The following DHX32 variants were observed in gnomAD, a reference collection of about 807,000 sequenced individuals.
DHX32 encodes DEAH-box helicase 32 (putative), also known as putative pre-mRNA-splicing factor ATP-dependent RNA helicase DHX32.
DHX32 carries 51 observed loss-of-function variants against 70.0 expected under a neutral mutation model. The ratio of observed to expected loss-of-function variants is 0.73; its 90% CI spans 0.58 to 0.92. DHX32 has a LOEUF of 0.92. Ranked by LOEUF, DHX32 falls within the 40% of genes least tolerant of loss-of-function variation. DHX32 has a pLI of 0.00. For missense variants in DHX32, 762 were observed against 891.8 expected (o/e 0.85, Z 1.85); for synonymous variants, 310 against 315.3 (o/e 0.98, Z 0.18).
Position 125,867,189 on chromosome 10 carries a change from G to C in DHX32, c.283-6C>G, listed in dbSNP as rs1240856200. On this transcript the variant is annotated splice_region_variant and splice_polypyrimidine_tract_variant and intron_variant, in intron 1 of 10. Transcript: ENST00000284690. ...TCAGCACACCACTGAGGAACCTGTA[G>C]CAGGAAAAAATGAGACAGGATCAGC... 1.9e-6 allele frequency: 3 copies of C among 1,588,684 alleles called. No homozygotes were observed. The highest frequency in any genetic ancestry group is 8.6e-7 in the Non-Finnish European group (1 of 1,165,850).
intron 6 of DHX32, among the ~76,000 whole-genome samples, chr10:125,851,972 A>G (rs928308943): frequency 1.3e-5 from 2 of 151,646 alleles, no homozygotes; most frequent in Non-Finnish European, 2.9e-5. Context: ...CAAGCTGCTG[A>G]GAATTCTTCT....
At position 125,841,736 on chromosome 10, in the gene DHX32, A is replaced by C; in HGVS notation, c.1543+7T>G. On this transcript the variant is annotated splice_region_variant and intron_variant, in intron 7 of 10. Coordinates refer to ENST00000284690, the MANE Select transcript of DHX32 (RefSeq NM_018180.3). ...AAAAAAAGAAAAGGAATAGTCATTA[A>C]GGATACCTGTTACCATGGCTGCGAT... The C allele has an allele frequency of 6.2e-7, 1 of 1,604,716 alleles. No homozygotes were observed. Among genetic ancestry groups the C allele is most frequent in the Non-Finnish European group, 8.5e-7 (1 of 1,178,124 alleles).
Position 125,852,281 on chromosome 10 carries a change from G to T in DHX32, c.1351+12C>A. The T allele has an allele frequency of 6.2e-7, 1 of 1,612,334 alleles. No homozygotes were observed. Among genetic ancestry groups the T allele is most frequent in the Non-Finnish European group, 8.5e-7 (1 of 1,178,956 alleles). ...AGCCTAATGCCTGGCTGACATGGGA[G>T]CATAAGGCTACCTGGTCTGTTCATG... On this transcript the variant is annotated intron_variant, in intron 6 of 10. Coordinates refer to ENST00000284690, the MANE Select transcript of DHX32 (RefSeq NM_018180.3).
chr10:125,857,984 C>CA (rs940101710), intron 3 of DHX32, among the ~76,000 whole-genome samples: 1 of 151,104 alleles, frequency 6.6e-6, no homozygotes, highest in African/African-American at 2.4e-5. Context: ...ACTGCAGCCT[C>CA]AAACTCCTTA....
intron 1 of DHX32, among the ~76,000 whole-genome samples, chr10:125,877,080 A>C (rs1944288845): frequency 2.0e-5 from 3 of 152,226 alleles, no homozygotes; most frequent in Admixed American, 6.5e-5. Flanking sequence ...TTTATATGGT[A>C]AAATCTTACA....
intron 6 of DHX32, among the ~76,000 whole-genome samples, chr10:125,843,319 G>A (rs1854932025): frequency 6.6e-6 from 1 of 152,128 alleles, no homozygotes; most frequent in Non-Finnish European, 1.5e-5. Context: ...TGATCATTAA[G>A]CTCTATGTCT....
In DHX32 at chr10:125,880,979, C is replaced by A; in HGVS notation, c.-155G>T. On this transcript the variant is annotated 5_prime_UTR_variant, in exon 1 of 11. An upstream open reading frame in the 5' UTR loses its in-frame stop. Coordinates refer to ENST00000284690, the MANE Select transcript of DHX32 (RefSeq NM_018180.3). ...CAAGGTTTTAGCAAGTTAAATTCCTCAAACCTGCATCTGTTCTCCGTTGCT... is the reference window on the plus strand; with the variant it reads ...CAAGGTTTTAGCAAGTTAAATTCCTAAAACCTGCATCTGTTCTCCGTTGCT... 1 of 865,518 alleles carries A rather than the reference C, an allele frequency of 1.2e-6. No homozygotes were observed. Among genetic ancestry groups the A allele is most frequent in the South Asian group, 1.8e-5 (1 of 55,498 alleles). The allele number at this position is 865,518 out of a possible 1,614,324, so 53.6% of individuals were successfully genotyped here.
chr10:125,865,933 G>A (rs1393853288), intron 2 of DHX32, among the ~76,000 whole-genome samples: 1 of 152,216 alleles, frequency 6.6e-6, no homozygotes, highest in Non-Finnish European at 1.5e-5. Context: ...TCCTCCTGGG[G>A]ATGAGCACAT....
At position 125,841,895 on chromosome 10, in the gene DHX32, TA is replaced by T. The variant is rs1241140938; in HGVS notation, c.1390del (p.Tyr464IlefsTer32). Reference sequence around the variant, plus strand: ...TCCATCATTATCCAGTGCTGCCAGATAATCTAAGTCTTCCAATGCCTGCATC... The same window carrying T: ...TCCATCATTATCCAGTGCTGCCAGATATCTAAGTCTTCCAATGCCTGCATC... ...SLMQALEDLD[Y>X]LAALDNDGNL... is the part of the protein sequence containing the mutation. On this transcript the variant is annotated frameshift_variant, in exon 7 of 11. Transcript: ENST00000284690. LOFTEE classifies it high-confidence loss of function. 5 of 1,608,518 alleles carry T rather than the reference TA, an allele frequency of 3.1e-6. No homozygotes were observed. Among genetic ancestry groups the T allele is most frequent in the Non-Finnish European group, 4.2e-6 (5 of 1,178,762 alleles).
chr10:125,867,543 T>C (rs192559489), intron 1 of DHX32, among the ~76,000 whole-genome samples: 266 of 152,258 alleles, frequency 1.7e-3, no homozygotes, highest in African/African-American at 6.0e-3. Flanking sequence ...GAGACCATCC[T>C]GGCTAACATG....
chr10:125,845,370 C>T (rs922426740), intron 6 of DHX32, among the ~76,000 whole-genome samples: 4 of 152,194 alleles, frequency 2.6e-5, no homozygotes, highest in African/African-American at 7.2e-5. Context: ...CACTGAATTT[C>T]CTCTCAAGGT....
At chr10:125,895,034 T>A (rs1295761612) in intron 1 of DHX32, among the ~76,000 whole-genome samples, 1 of 152,308 alleles carries the variant, frequency 6.6e-6, no homozygotes, top group Non-Finnish European at 1.5e-5. Context: ...AAGAATTATG[T>A]GTTCTGTATA....
chr10:125,868,509 T>C (rs1589715039), intron 1 of DHX32, among the ~76,000 whole-genome samples: 2 of 152,238 alleles, frequency 1.3e-5, no homozygotes, highest in East Asian at 3.8e-4. Flanking sequence ...TGCTGTAGAC[T>C]GTAAATTCCT....
intron 3 of DHX32, among the ~76,000 whole-genome samples, chr10:125,859,021 GTT>G (rs574242863): frequency 7.2e-6 from 1 of 139,608 alleles, no homozygotes; most frequent in Non-Finnish European, 1.6e-5. Context: ...TGAGTTAAAG[GTT>G]TTTTTTTTTG....
Position 125,841,919 on chromosome 10 carries a change from A to C in DHX32, c.1367T>G (p.Met456Arg). The C allele has an allele frequency of 6.3e-7, 1 of 1,594,822 alleles. No individual in the cohort carries two copies. Among genetic ancestry groups the C allele is most frequent in the Non-Finnish European group, 8.5e-7 (1 of 1,174,476 alleles). Residue 456 changes from methionine to arginine, a missense_variant, in exon 7 of 11, where the codon ATG (methionine) becomes AGG (arginine). Coordinates refer to ENST00000284690, the MANE Select transcript of DHX32 (RefSeq NM_018180.3). The stretch of plus-strand genomic sequence containing the variant: ...ATAATCTAAGTCTTCCAATGCCTGC[A>C]TCAAACTTTCTGGTGCTAGGAAAGG... The part of the protein sequence containing the change: ...FMNRPAPESL[M>R]QALEDLDYLA...
At chr10:125,871,862 CTT>C (rs367881568) in intron 1 of DHX32, among the ~76,000 whole-genome samples, 45,946 of 130,648 alleles carry the variant, frequency 0.35, 6,832 homozygotes, top group Non-Finnish European at 0.41. Context: ...TGCTTCTTTT[CTT>C]TTTTTTTTTT....
At chr10:125,896,289 G>T (rs1442882790) in exon 1 of DHX32, 1 of 164,518 alleles carries the variant, frequency 6.1e-6, no homozygotes, top group Non-Finnish European at 1.3e-5. Flanking sequence ...AGGCCCACTC[G>T]CCCGACGGAC....
At chr10:125,836,920 A>G (rs1165512840) in intron 10 of DHX32, 65 bp from the exon 11 acceptor site, 8 of 1,424,262 alleles carry the variant, frequency 5.6e-6, no homozygotes, top group African/African-American at 2.8e-5. Flanking sequence ...ACCAAACATT[A>G]TGTCTGGGCA....
intron 2 of DHX32, among the ~76,000 whole-genome samples, chr10:125,860,839 T>C (rs1944182889): frequency 8.9e-6 from 1 of 112,072 alleles, no homozygotes; most frequent in Admixed American, 8.7e-5. Context: ...CACTGCAAGC[T>C]CCGCCTCCCG....
Sources: allele counts gnomAD v4.1 joint callset (sites outside exome capture counted in the v4.1 genomes callset), GRCh38; gene constraint gnomAD v4.1.1; transcripts MANE v1.5; gene names NCBI Gene and HGNC (gene_info 2026-07-23, HGNC 2026-07-21).